The following JAK1 variants were observed in gnomAD, a reference collection of about 807,000 sequenced individuals.
JAK1 encodes the protein tyrosine-protein kinase JAK1.
A neutral mutation model predicts 136.6 loss-of-function variants in JAK1; 16 were observed. The observed-to-expected ratio is 0.12, with a 90% CI of 0.08 to 0.18. JAK1 has a LOEUF of 0.18. JAK1 is among the 10% of genes least tolerant of loss of function. The pLI is 1.00. For synonymous variants in JAK1, 492 were observed against 519.5 expected (o/e 0.95, Z 0.72); for missense variants, 859 against 1,450.1 (o/e 0.59, Z 6.62).
At chr1:65,045,728 C>T (rs1647177711) in intron 1 of JAK1, among the ~76,000 whole-genome samples, 1 of 152,182 alleles carries the variant, frequency 6.6e-6, no homozygotes, top group Admixed American at 6.5e-5. Flanking sequence ...CCCCTCTTCA[C>T]ATGATAGGAA....
intron 8 of JAK1, among the ~76,000 whole-genome samples, chr1:64,861,338 C>CA (rs1264942933): frequency 3.3e-5 from 5 of 152,158 alleles, no homozygotes; most frequent in East Asian, 1.9e-4. Context: ...GTGTCTTACT[C>CA]AGAGTGGGAA....
intron 2 of JAK1, among the ~76,000 whole-genome samples, chr1:64,971,694 G>A (rs1358793835): frequency 1.3e-5 from 2 of 152,128 alleles, no homozygotes; most frequent in African/African-American, 2.4e-5. Flanking sequence ...AAGTAGCTGG[G>A]ATTACAGGCA....
At chr1:64,955,621 T>C (rs1179420171) in intron 1 of JAK1, among the ~76,000 whole-genome samples, 1 of 152,214 alleles carries the variant, frequency 6.6e-6, no homozygotes, top group African/African-American at 2.4e-5. Flanking sequence ...TTGTTTTCTA[T>C]AGGCAATAGG....
At chr1:64,920,980 TA>T (rs1645484613) in intron 1 of JAK1, among the ~76,000 whole-genome samples, 1 of 152,244 alleles carries the variant, frequency 6.6e-6, no homozygotes, top group Non-Finnish European at 1.5e-5. Flanking sequence ...AAAAGCTTTT[TA>T]TAAATGCTAT....
At chr1:64,935,987 C>A (rs12568330) in intron 1 of JAK1, among the ~76,000 whole-genome samples, 6,342 of 152,232 alleles carry the variant, frequency 0.042, 360 homozygotes, top group East Asian at 0.26. Context: ...GGTCCAGGGA[C>A]ACACCCTTGC....
intron 1 of JAK1, among the ~76,000 whole-genome samples, chr1:64,913,670 A>AGGAAGGAAGGAAGGAG (rs1313907697): frequency 2.2e-4 from 6 of 27,162 alleles, no homozygotes; most frequent in African/African-American, 4.8e-4. Context: ...GAAGGAAGGA[A>AGGAAGGAAGGAAGGAG]GGAAGGAAGG....
intron 21 of JAK1, 111 bp downstream of exon 21, chr1:64,838,354 C>T: frequency 8.5e-7 from 1 of 1,175,392 alleles, no homozygotes; most frequent in Non-Finnish European, 1.2e-6. Flanking sequence ...CAGAGAAAAA[C>T]AAACAGTATA....
Position 65,014,056 on chromosome 1 carries a change from T to C in JAK1, c.-78+30424A>G, listed in dbSNP as rs187999731. On this transcript the variant is annotated intron_variant, in intron 2 of 25. Transcript: ENST00000671954. ...ACCAACAGCTTAACAGCATATTACA[T>C]ACAACTGAAAAGAGAATTAGAGAAC... Among the ~76,000 whole-genome samples, 1,046 of 152,164 alleles carry C rather than the reference T, an allele frequency of 6.9e-3. 12 individuals carry two copies. Among genetic ancestry groups the C allele is most frequent in the African/African-American group, 0.024 (977 of 41,512 alleles).
intron 6 of JAK1, among the ~76,000 whole-genome samples, chr1:64,868,024 G>C (rs1340262829): frequency 6.6e-6 from 1 of 151,312 alleles, no homozygotes; most frequent in African/African-American, 2.4e-5. Flanking sequence ...GAGAGAGAGA[G>C]AGAGTGAGAG....
At chr1:64,981,636 G>A (rs912994316) in intron 2 of JAK1, among the ~76,000 whole-genome samples, 4 of 152,308 alleles carry the variant, frequency 2.6e-5, no homozygotes, top group Non-Finnish European at 5.9e-5. Flanking sequence ...TGAGATGGCT[G>A]GAGATGTCCA....
intron 20 of JAK1, among the ~76,000 whole-genome samples, chr1:64,838,863 G>A (rs1344330115): frequency 1.3e-5 from 2 of 151,632 alleles, no homozygotes; most frequent in East Asian, 1.9e-4. Flanking sequence ...AAAAATTATC[G>A]GGCTGGGCGC....
intron 6 of JAK1, among the ~76,000 whole-genome samples, chr1:64,868,639 T>C (rs1188900782): frequency 6.6e-6 from 1 of 152,122 alleles, no homozygotes; most frequent in African/African-American, 2.4e-5. Flanking sequence ...AGCAACCTAA[T>C]GAGAAGACGC....
At chr1:65,035,036 A>G (rs1286751867) in intron 2 of JAK1, among the ~76,000 whole-genome samples, 1 of 151,886 alleles carries the variant, frequency 6.6e-6, no homozygotes. Context: ...AGCTTGGGCA[A>G]CAAGAGTGAA....
chr1:64,877,437 C>A (rs1018677616), intron 4 of JAK1, among the ~76,000 whole-genome samples: 1 of 152,090 alleles, frequency 6.6e-6, no homozygotes, highest in Non-Finnish European at 1.5e-5. Flanking sequence ...CCCTGCACTT[C>A]CAGGCAGCTA....
chr1:64,873,582 C>A (rs954232365), intron 4 of JAK1, 59 bp from the exon 5 acceptor site: 4 of 1,600,602 alleles, frequency 2.5e-6, no homozygotes, highest in Non-Finnish European at 3.4e-6. Context: ...GTGGGCAGGG[C>A]GTCCTGGCTC....
intron 2 of JAK1, among the ~76,000 whole-genome samples, chr1:65,006,344 G>A (rs373063327): frequency 8.6e-5 from 13 of 152,012 alleles, no homozygotes; most frequent in South Asian, 4.2e-4. Context: ...TAATTAAAAC[G>A]GCTTCTATTG....
intron 1 of JAK1, among the ~76,000 whole-genome samples, chr1:64,909,657 CAA>C (rs34061898): frequency 2.2e-5 from 3 of 138,972 alleles, no homozygotes; most frequent in Non-Finnish European, 1.5e-5. Flanking sequence ...CCCCTCTCTC[CAA>C]AAAAAAAAAA....
chr1:64,939,200 C>T (rs1645843707), intron 1 of JAK1, among the ~76,000 whole-genome samples: 1 of 152,368 alleles, frequency 6.6e-6, no homozygotes, highest in Admixed American at 6.5e-5. Flanking sequence ...GCCATCAACC[C>T]TGCTGCCTAG....
chr1:65,056,127 C>G (rs1647524097), intron 1 of JAK1, among the ~76,000 whole-genome samples: 1 of 152,048 alleles, frequency 6.6e-6, no homozygotes, highest in Non-Finnish European at 1.5e-5. Context: ...CCTAAAAGTT[C>G]TTCCAGAGTT....
Sources: allele counts gnomAD v4.1 joint callset (sites outside exome capture counted in the v4.1 genomes callset), GRCh38; gene constraint gnomAD v4.1.1; transcripts MANE v1.5; gene names NCBI Gene and HGNC (gene_info 2026-07-23, HGNC 2026-07-21).